Variants in GRID2 observed in about 807,000 individuals in gnomAD.
GRID2 encodes glutamate receptor ionotropic, delta-2.
Under a neutral mutation model 114.8 loss-of-function variants are expected in GRID2, and 33 were observed. The observed-to-expected ratio is 0.29, with a 90% CI of 0.22 to 0.38. The LOEUF (loss-of-function observed/expected upper bound fraction) is 0.38, where lower values mean the gene tolerates loss of function less well. Among genes scored for constraint, GRID2 ranks in the 10% least tolerant of loss-of-function variants. The pLI is 1.00. For missense variants in GRID2, 1,184 were observed against 1,257.7 expected (o/e 0.94, Z 0.89); for synonymous variants, 505 against 449.9 (o/e 1.12, Z -1.55).
rs998518131 is a variant in GRID2 at position 93,644,276 on chromosome 4, G to A, written c.2360+17841G>A. Among the ~76,000 whole-genome samples the A allele has an allele frequency of 2.5e-4, 12 of 48,860 alleles. 2 individuals carry two copies. The highest frequency in any genetic ancestry group is 4.1e-4 in the African/African-American group (2 of 4,892). The allele number at this position is 48,860 out of a possible 152,430, so 32.1% of individuals were successfully genotyped here. ...AAATGCAGAAATCACCGTCTTCTGC[G>A]TCGCTCACGCTGGGAGCTGTAGACC... On this transcript the variant is annotated intron_variant, in intron 14 of 15. Coordinates refer to ENST00000282020, the MANE Select transcript of GRID2 (RefSeq NM_001510.4).
intron 2 of GRID2, among the ~76,000 whole-genome samples, chr4:92,677,898 G>C (rs1156688949): frequency 6.6e-6 from 1 of 152,032 alleles, no homozygotes; most frequent in African/African-American, 2.4e-5. Context: ...ACGTAAATCA[G>C]ATCATGCTCC....
intron 1 of GRID2, among the ~76,000 whole-genome samples, chr4:92,339,667 C>T: frequency 6.6e-6 from 1 of 152,096 alleles, no homozygotes; most frequent in Non-Finnish European, 1.5e-5. Context: ...TGAGTTTTTT[C>T]TTTAACCCCT....
intron 1 of GRID2, among the ~76,000 whole-genome samples, chr4:92,486,778 G>C (rs565636899): frequency 6.6e-6 from 1 of 151,982 alleles, no homozygotes; most frequent in South Asian, 2.1e-4. Flanking sequence ...GATATGAATA[G>C]ACATTTCTCC....
chr4:92,981,864 C>T (rs1481300594), intron 2 of GRID2, among the ~76,000 whole-genome samples: 4 of 151,288 alleles, frequency 2.6e-5, no homozygotes, highest in East Asian at 1.9e-4. Flanking sequence ...ACTGGGAAAA[C>T]GCACATCTAT....
chr4:93,060,219 C>T (rs1251776256), intron 2 of GRID2, among the ~76,000 whole-genome samples: 1 of 152,100 alleles, frequency 6.6e-6, no homozygotes, highest in African/African-American at 2.4e-5. Flanking sequence ...TCCTCTGGGT[C>T]TAGTCAAACT....
At chr4:93,311,482 G>T (rs935366638) in intron 8 of GRID2, among the ~76,000 whole-genome samples, 2 of 152,072 alleles carry the variant, frequency 1.3e-5, no homozygotes, top group African/African-American at 4.8e-5. Context: ...TTTAAGATTA[G>T]CCTTTGGAAT....
At chr4:93,208,033 G>A (rs1743013355) in intron 5 of GRID2, among the ~76,000 whole-genome samples, 1 of 151,904 alleles carries the variant, frequency 6.6e-6, no homozygotes, top group Admixed American at 6.6e-5. Flanking sequence ...GAAATAAGTT[G>A]TTCCATTAGG....
At chr4:92,781,511 AT>A (rs1739075471) in intron 2 of GRID2, among the ~76,000 whole-genome samples, 1 of 152,148 alleles carries the variant, frequency 6.6e-6, no homozygotes. Context: ...TAAAATACGC[AT>A]TAATCTTTTC....
rs1030411787 is a variant in GRID2, at chr4:93,140,651, A to G, written c.735+29698A>G. On this transcript the variant is annotated intron_variant, in intron 4 of 15. Coordinates refer to ENST00000282020, the MANE Select transcript of GRID2 (RefSeq NM_001510.4). ...CAAATAAGTCAAGGATACAGTGACA[A>G]TAAATATGATAGAAATTTGTATAGT... Among the ~76,000 whole-genome samples, 9 of 152,234 alleles carry G rather than the reference A, an allele frequency of 5.9e-5. 1 individual carries two copies. Among genetic ancestry groups the G allele is most frequent in the Non-Finnish European group, 1.3e-4 (9 of 68,038 alleles).
At chr4:92,943,297 C>T (rs1396163060) in intron 2 of GRID2, among the ~76,000 whole-genome samples, 1 of 152,096 alleles carries the variant, frequency 6.6e-6, no homozygotes, top group African/African-American at 2.4e-5. Flanking sequence ...CTGAACTTCT[C>T]TTCTCACTTC....
chr4:92,916,592 T>G (rs1748816770), intron 2 of GRID2, among the ~76,000 whole-genome samples: 1 of 151,980 alleles, frequency 6.6e-6, no homozygotes, highest in South Asian at 2.1e-4. Flanking sequence ...TTCCCACCTA[T>G]GAGTGAGAAC....
At chr4:92,982,040 AAAAAAG>A (rs1200009685) in intron 2 of GRID2, among the ~76,000 whole-genome samples, 4 of 112,822 alleles carry the variant, frequency 3.5e-5, no homozygotes, top group Admixed American at 1.2e-4. Context: ...AAAAAAAAAA[AAAAAAG>A]AAAAAGAAAA....
At chr4:93,238,571 G>T in intron 8 of GRID2, 81 bp downstream of exon 8, 5 of 1,155,058 alleles carry the variant, frequency 4.3e-6, no homozygotes, top group African/African-American at 3.2e-5. Flanking sequence ...TATGATCACA[G>T]TACCCATTAA....
chr4:93,657,510 C>T (rs1011220101), intron 14 of GRID2, among the ~76,000 whole-genome samples: 1 of 152,000 alleles, frequency 6.6e-6, no homozygotes, highest in Non-Finnish European at 1.5e-5. Context: ...ATCTTTTTAT[C>T]GTAATGTCAT....
intron 14 of GRID2, among the ~76,000 whole-genome samples, chr4:93,716,513 T>C (rs752603812): frequency 8.5e-5 from 13 of 152,136 alleles, no homozygotes; most frequent in African/African-American, 3.1e-4. Flanking sequence ...AAGACAATAA[T>C]TGTAATAGTG....
chr4:92,449,675 T>TTA (rs1560638476), intron 1 of GRID2, among the ~76,000 whole-genome samples: 1 of 43,006 alleles, frequency 2.3e-5, no homozygotes, highest in African/African-American at 9.5e-5. Context: ...CTTTTCTTAC[T>TTA]GATATATATA....
intron 8 of GRID2, among the ~76,000 whole-genome samples, chr4:93,327,132 T>C (rs1180253664): frequency 6.6e-6 from 1 of 152,160 alleles, no homozygotes; most frequent in Non-Finnish European, 1.5e-5. Context: ...TAAATGGTCT[T>C]ATTCAGTATG....
intron 14 of GRID2, among the ~76,000 whole-genome samples, chr4:93,749,698 A>T (rs773325105): frequency 6.6e-6 from 1 of 152,200 alleles, no homozygotes; most frequent in African/African-American, 2.4e-5. Context: ...ACTTTCTTTG[A>T]CCACTTTTGC....
chr4:92,856,056 C>T (rs6834275), intron 2 of GRID2, among the ~76,000 whole-genome samples: 6,057 of 152,020 alleles, frequency 0.04, 192 homozygotes, highest in East Asian at 0.16. Context: ...TGAGTCTTTC[C>T]TCCAAGCTGG....
Sources: gnomAD v4.1 joint callset for allele counts (sites outside exome capture counted in the v4.1 genomes callset) on GRCh38, gnomAD v4.1.1 for gene constraint, MANE v1.5 for transcripts, NCBI Gene and HGNC (gene_info 2026-07-23, HGNC 2026-07-21) for gene names.